The following DNM3 variants were observed in gnomAD, a reference collection of about 807,000 sequenced individuals.
DNM3 encodes the protein dynamin 3.
In DNM3, 47 loss-of-function variants were observed where a neutral mutation model predicts 101.6. The ratio of observed to expected loss-of-function variants is 0.46; its 90% CI spans 0.37 to 0.59. DNM3 has a LOEUF of 0.59. Among genes scored for constraint, DNM3 ranks in the 20% least tolerant of loss-of-function variants. DNM3 has a pLI of 0.00. For missense variants in DNM3, 849 were observed against 1,085.7 expected (o/e 0.78, Z 3.06); for synonymous variants, 385 against 387.9 (o/e 0.99, Z 0.09).
chr1:172,235,262 G>C (rs1217382686), intron 14 of DNM3, among the ~76,000 whole-genome samples: 1 of 152,172 alleles, frequency 6.6e-6, no homozygotes, highest in Non-Finnish European at 1.5e-5. Flanking sequence ...ATCATCACTG[G>C]TCATCAGAGA....
At chr1:172,402,941 T>C (rs2070610908) in intron 20 of DNM3, among the ~76,000 whole-genome samples, 1 of 152,186 alleles carries the variant, frequency 6.6e-6, no homozygotes, top group Admixed American at 6.5e-5. Context: ...TACTGAACAG[T>C]GGTTTCAAAG....
At chr1:171,917,281 G>A (rs200920249) in intron 1 of DNM3, among the ~76,000 whole-genome samples, 12 of 66,552 alleles carry the variant, frequency 1.8e-4, no homozygotes, top group Non-Finnish European at 1.6e-4. Flanking sequence ...ATTTGCTGCC[G>A]GGGGGAATTT....
chr1:172,388,515 G>A, intron 19 of DNM3, 58 bp from the exon 20 acceptor site: 1 of 1,413,656 alleles, frequency 7.1e-7, no homozygotes. Flanking sequence ...AACATTTTTA[G>A]AGATTAATTC....
intron 15 of DNM3, among the ~76,000 whole-genome samples, chr1:172,306,010 T>C (rs957829596): frequency 1.4e-4 from 21 of 152,144 alleles, no homozygotes; most frequent in African/African-American, 5.1e-4. Flanking sequence ...GTATTCAACA[T>C]AGTGTTGGAA....
intron 15 of DNM3, chr1:172,290,067 C>T (rs1406511791): frequency 1.1e-6 from 1 of 895,592 alleles, no homozygotes; most frequent in Non-Finnish European, 1.3e-6. Flanking sequence ...CTTTGAAGAA[C>T]TTTGAATGCT....
chr1:172,107,409 T>G (rs1390373884), intron 13 of DNM3, among the ~76,000 whole-genome samples: 1 of 150,778 alleles, frequency 6.6e-6, no homozygotes, highest in Admixed American at 6.6e-5. Context: ...AAAAAAAAAG[T>G]AAAAGGGCTT....
chr1:171,980,663 G>T (rs2044721522), intron 2 of DNM3, among the ~76,000 whole-genome samples: 1 of 151,762 alleles, frequency 6.6e-6, no homozygotes, highest in South Asian at 2.1e-4. Flanking sequence ...AATTCTATGA[G>T]ATCAACTTTT....
chr1:172,227,271 G>GATATATATATATATAT lies in DNM3; in HGVS notation c.1660-26283_1660-26268dup, dbSNP rs140087796. Among the ~76,000 whole-genome samples, 590 of 77,862 alleles carry GATATATATATATATAT rather than the reference G, an allele frequency of 7.6e-3. 18 individuals are homozygous for GATATATATATATATAT. The highest frequency in any genetic ancestry group is 0.017 in the Middle Eastern group (2 of 118). 51.1% of individuals were successfully genotyped at this position (77,862 alleles called of 152,430 possible). On this transcript the variant is annotated intron_variant, in intron 14 of 20. Coordinates refer to ENST00000627582, the MANE Select transcript of DNM3 (RefSeq NM_015569.5). ...TTTTAATGGCTGGATAGTATTTTGT[G>GATATATATATATATAT]ATATATATATATATATATATATATA... is the stretch of plus-strand genomic sequence containing the variant.
rs1558165858 is a variant in DNM3, at chr1:171,853,022, A to T, written c.161+11205A>T. On this transcript the variant is annotated intron_variant, in intron 1 of 20. Coordinates refer to ENST00000627582, the MANE Select transcript of DNM3 (RefSeq NM_015569.5). The stretch of plus-strand genomic sequence containing the variant: ...AGATAAGAAATGACAGACTTATAAA[A>T]GAGTTAAGACCTCTCTGGGTCTAGA... Among the ~76,000 whole-genome samples the T allele has an allele frequency of 3.3e-5, 5 of 152,232 alleles. No individual in the cohort carries two copies. In the East Asian group the frequency reaches 9.6e-4, roughly 29 times the overall value.
chr1:172,409,755 TC>T lies in DNM3; in HGVS notation c.*1917del. On this transcript the variant is annotated 3_prime_UTR_variant, in exon 21 of 21. Coordinates refer to ENST00000627582, the MANE Select transcript of DNM3 (RefSeq NM_015569.5). ...TTATAAAACTTCTTGTTTTTAGGAT[TC>T]CCTTTGCTTCTTCCTTTGAATTCTC... 1.0e-6 allele frequency: 1 copy of T among 985,714 alleles called. No homozygotes were observed. Among genetic ancestry groups the T allele is most frequent in the Non-Finnish European group, 1.2e-6 (1 of 829,808 alleles). 61.1% of individuals were successfully genotyped at this position (985,714 alleles called of 1,614,324 possible).
chr1:172,154,903 A>C (rs755018928), intron 14 of DNM3, among the ~76,000 whole-genome samples: 7 of 152,104 alleles, frequency 4.6e-5, no homozygotes, highest in Non-Finnish European at 8.8e-5. Flanking sequence ...CTGTTAGTTT[A>C]AGATCACCCC....
At chr1:172,003,094 T>G (rs1391580137) in intron 4 of DNM3, among the ~76,000 whole-genome samples, 1 of 152,050 alleles carries the variant, frequency 6.6e-6, no homozygotes, top group Non-Finnish European at 1.5e-5. Flanking sequence ...TTTTTCTGAA[T>G]TTAATTGCCA....
At chr1:171,891,305 G>A (rs1224911347) in intron 1 of DNM3, among the ~76,000 whole-genome samples, 2 of 150,020 alleles carry the variant, frequency 1.3e-5, no homozygotes, top group Admixed American at 1.3e-4. Flanking sequence ...TTTTCTTTAA[G>A]AAGAGTTTTA....
intron 1 of DNM3, among the ~76,000 whole-genome samples, chr1:171,883,791 A>T (rs945669740): frequency 8.6e-5 from 13 of 152,014 alleles, no homozygotes; most frequent in Non-Finnish European, 1.8e-4. Context: ...TTTTTCCTAA[A>T]ATTACTTAAG....
intron 14 of DNM3, among the ~76,000 whole-genome samples, chr1:172,187,863 T>C (rs1295943294): frequency 6.6e-6 from 1 of 152,140 alleles, no homozygotes; most frequent in African/African-American, 2.4e-5. Context: ...CCTGTTTCCT[T>C]ATATCAGGAA....
rs1187151631 is a variant in DNM3, at chr1:172,411,332, G to C, written c.*3491G>C. ...ATAATTACCATGACAACATGGTAATGTCCATAGACATTTGTATCTGAATCC... is the reference window on the plus strand; with the variant it reads ...ATAATTACCATGACAACATGGTAATCTCCATAGACATTTGTATCTGAATCC... On this transcript the variant is annotated 3_prime_UTR_variant, in exon 21 of 21. Transcript: ENST00000627582. The C allele has an allele frequency of 4.1e-6, 4 of 984,994 alleles. No homozygotes were observed. Among genetic ancestry groups the C allele is most frequent in the East Asian group, 1.1e-4 (1 of 8,806 alleles). 61.0% of individuals were successfully genotyped at this position (984,994 alleles called of 1,614,324 possible). A position where few individuals can be genotyped will look rare whatever the true frequency, so the allele number is the denominator to read the frequency against.
chr1:172,280,531 A>AT (rs1367379077), intron 15 of DNM3, among the ~76,000 whole-genome samples: 1 of 152,108 alleles, frequency 6.6e-6, no homozygotes, highest in Non-Finnish European at 1.5e-5. Flanking sequence ...TTCTTACTGG[A>AT]TTTTTTCTCT....
chr1:172,171,722 G>A (rs1385802490), intron 14 of DNM3, among the ~76,000 whole-genome samples: 2 of 151,642 alleles, frequency 1.3e-5, no homozygotes, highest in Non-Finnish European at 3.0e-5. Flanking sequence ...TTAGGCTGAA[G>A]ACAATCTCTC....
At chr1:172,017,065 A>G (rs12090753) in intron 4 of DNM3, among the ~76,000 whole-genome samples, 45,988 of 152,008 alleles carry the variant, frequency 0.3, 8,609 homozygotes, top group African/African-American at 0.53. Context: ...TTCTTTTACC[A>G]TTCATGAGAC....
Sources: allele counts gnomAD v4.1 joint callset (sites outside exome capture counted in the v4.1 genomes callset), GRCh38; gene constraint gnomAD v4.1.1; transcripts MANE v1.5; gene names NCBI Gene and HGNC (gene_info 2026-07-23, HGNC 2026-07-21).